Variants in FAAH2 observed in about 807,000 individuals in gnomAD.
The protein encoded by FAAH2 is fatty acid amide hydrolase 2.
A neutral mutation model predicts 36.9 loss-of-function variants in FAAH2; 60 were observed. The observed-to-expected ratio is 1.63, with a 90% CI of 1.32 to 2.02. The LOEUF (loss-of-function observed/expected upper bound fraction) is 2.02, where lower values mean the gene tolerates loss of function less well. FAAH2 is among the 30% of genes most tolerant of loss of function. FAAH2 has a pLI of 0.00. For synonymous variants in FAAH2, 214 were observed against 143.8 expected (o/e 1.49, Z -3.49); for missense variants, 689 against 397.5 (o/e 1.73, Z -6.23).
chrX:57,476,068 G>A (rs2057261695), intron 10 of FAAH2, among the ~76,000 whole-genome samples: 1 of 111,694 alleles, frequency 9.0e-6, no homozygotes, highest in South Asian at 3.7e-4. Context: ...TGCTGAAGTT[G>A]CTTATCAGCA....
At chrX:57,347,598 T>A (rs1378503405) in intron 5 of FAAH2, among the ~76,000 whole-genome samples, 1 of 76,657 alleles carries the variant, frequency 1.3e-5, no homozygotes, top group Non-Finnish European at 2.4e-5. Flanking sequence ...GGTAAGGGGA[T>A]GCTAAGTTTT....
the FAAH2 span, among the ~76,000 whole-genome samples, chrX:57,148,468 G>A: frequency 9.0e-6 from 1 of 110,589 alleles, no homozygotes; most frequent in Non-Finnish European, 1.9e-5. Flanking sequence ...TCCTTGAAGA[G>A]GTCCTTCACA....
intron 7 of FAAH2, among the ~76,000 whole-genome samples, chrX:57,383,345 G>A (rs2054911956): frequency 8.9e-6 from 1 of 111,733 alleles, no homozygotes; most frequent in Non-Finnish European, 1.9e-5. Context: ...GCAGCAGAAG[G>A]AAATAAAGGG....
At chrX:57,168,712 C>T in the FAAH2 span, among the ~76,000 whole-genome samples, 1 of 111,712 alleles carries the variant, frequency 9.0e-6, no homozygotes, top group Non-Finnish European at 1.9e-5. Flanking sequence ...TGTATATTTC[C>T]ATTTGCCTTT....
chrX:57,264,795 A>G, the FAAH2 span, among the ~76,000 whole-genome samples: 31 of 112,630 alleles, frequency 2.8e-4, 1 homozygote, highest in East Asian at 7.9e-3. Context: ...ATACCCACCA[A>G]TGGTAGACTG....
intron 10 of FAAH2, among the ~76,000 whole-genome samples, chrX:57,464,558 TTAAAG>T (rs1158420230): frequency 1.1e-5 from 1 of 91,324 alleles, no homozygotes; most frequent in African/African-American, 3.8e-5. Context: ...TGAGTCCTAA[TTAAAG>T]TAAAGGGCTT....
the FAAH2 span, among the ~76,000 whole-genome samples, chrX:57,233,091 AGGTCTAT>A: frequency 8.9e-6 from 1 of 112,202 alleles, no homozygotes; most frequent in African/African-American, 3.2e-5. Context: ...GCCTACAACC[AGGTCTAT>A]GGTATTATGT....
At position 57,381,110 on chromosome X, in the gene FAAH2, A is replaced by C. The variant is rs2054835427; in HGVS notation, c.996+81A>C. On this transcript the variant is annotated intron_variant, in intron 7 of 10. Coordinates refer to ENST00000374900, the MANE Select transcript of FAAH2 (RefSeq NM_174912.4). ...TGAGCCCTTTACTTCACTTACTGCC[A>C]AATATTTCTGTGTCAGCATACGGAA... 3 of 695,898 alleles carry C rather than the reference A, an allele frequency of 4.3e-6. No homozygotes were observed. In the East Asian group the frequency reaches 1.1e-4, roughly 25 times the overall value. 57.3% of individuals were successfully genotyped at this position (695,898 alleles called of 1,213,427 possible).
At chrX:57,135,609 C>G in the FAAH2 span, 1 of 831,550 alleles carries the variant, frequency 1.2e-6, no homozygotes, top group Non-Finnish European at 1.7e-6. Flanking sequence ...ACCAAACACA[C>G]CCGAACTTTT....
At chrX:57,362,857 G>T (rs1479205276) in intron 5 of FAAH2, among the ~76,000 whole-genome samples, 1 of 111,649 alleles carries the variant, frequency 9.0e-6, no homozygotes, top group Non-Finnish European at 1.9e-5. Flanking sequence ...GCTTGTTATT[G>T]TCAACTTTGT....
the FAAH2 span, among the ~76,000 whole-genome samples, chrX:57,131,147 G>T: frequency 9.7e-6 from 1 of 103,447 alleles, no homozygotes; most frequent in African/African-American, 3.6e-5. Context: ...CTGCAGTGGC[G>T]CAATCTCGGC....
At chrX:57,308,168 A>C (rs1246533603) in intron 2 of FAAH2, among the ~76,000 whole-genome samples, 2 of 111,636 alleles carry the variant, frequency 1.8e-5, no homozygotes, top group African/African-American at 6.5e-5. Context: ...CAGTAATGTG[A>C]TTGCTGGGTC....
At chrX:57,478,380 T>A (rs1230833313) in intron 10 of FAAH2, among the ~76,000 whole-genome samples, 1 of 111,779 alleles carries the variant, frequency 8.9e-6, no homozygotes, top group Non-Finnish European at 1.9e-5. Flanking sequence ...TTGTAGATTC[T>A]GGATATTAGC....
intron 5 of FAAH2, among the ~76,000 whole-genome samples, chrX:57,374,631 G>A (rs1164192516): frequency 3.6e-5 from 4 of 111,155 alleles, no homozygotes; most frequent in Non-Finnish European, 7.6e-5. Flanking sequence ...GGTTTTCTAG[G>A]TATACAATCA....
At chrX:57,370,743 G>A (rs1446186492) in intron 5 of FAAH2, among the ~76,000 whole-genome samples, 1 of 112,090 alleles carries the variant, frequency 8.9e-6, no homozygotes, top group Non-Finnish European at 1.9e-5. Flanking sequence ...ATCAGCAGCA[G>A]CATTAGATTC....
the FAAH2 span, among the ~76,000 whole-genome samples, chrX:57,190,201 C>T: frequency 2.7e-5 from 3 of 109,853 alleles, no homozygotes; most frequent in Non-Finnish European, 5.7e-5. Context: ...TTAGCGCTGT[C>T]ACGGGAAAAC....
At chrX:57,419,619 C>A (rs1278825330) in intron 7 of FAAH2, among the ~76,000 whole-genome samples, 1 of 111,252 alleles carries the variant, frequency 9.0e-6, no homozygotes, top group Non-Finnish European at 1.9e-5. Context: ...TGGATATTAG[C>A]CGTTTGTCAG....
At chrX:57,362,485 AG>A (rs1457974580) in intron 5 of FAAH2, among the ~76,000 whole-genome samples, 3 of 111,789 alleles carry the variant, frequency 2.7e-5, no homozygotes, top group Non-Finnish European at 5.6e-5. Context: ...CATGTATCCC[AG>A]AACTGGATAT....
intron 7 of FAAH2, among the ~76,000 whole-genome samples, chrX:57,396,480 T>G (rs2055302784): frequency 9.1e-6 from 1 of 110,124 alleles, no homozygotes; most frequent in African/African-American, 3.3e-5. Context: ...ATGCCATGAT[T>G]TTTCCTCTTA....
Sources: allele counts gnomAD v4.1 joint callset (sites outside exome capture counted in the v4.1 genomes callset), GRCh38; gene constraint gnomAD v4.1.1; transcripts MANE v1.5; gene names NCBI Gene and HGNC (gene_info 2026-07-23, HGNC 2026-07-21).